BBOX1: variants seen among roughly 807,000 people sequenced by gnomAD.
BBOX1 encodes gamma-butyrobetaine hydroxylase 1.
BBOX1 carries 35 observed loss-of-function variants against 41.6 expected under a neutral mutation model. The ratio of observed to expected loss-of-function variants is 0.84; its 90% CI spans 0.64 to 1.11. The LOEUF is 1.11. Among genes scored for constraint, BBOX1 ranks in the 50% most tolerant of loss-of-function variants. BBOX1 has a pLI of 0.00. For missense variants in BBOX1, 458 were observed against 460.6 expected (o/e 0.99, Z 0.05); for synonymous variants, 163 against 154.7 (o/e 1.05, Z -0.40).
chr11:27,067,928 G>A (rs1857339585), intron 4 of BBOX1, among the ~76,000 whole-genome samples: 1 of 152,034 alleles, frequency 6.6e-6, no homozygotes, highest in South Asian at 2.1e-4. Context: ...TTTTATGGTT[G>A]AGTAGTATTC....
chr11:27,127,503 G>A lies in BBOX1; in HGVS notation c.*50G>A. 2 of 1,545,438 alleles carry A rather than the reference G, an allele frequency of 1.3e-6. No homozygotes were observed. The highest frequency in any genetic ancestry group is 2.8e-5 in the African/African-American group (2 of 72,000). On this transcript the variant is annotated 3_prime_UTR_variant, in exon 9 of 9. Coordinates refer to ENST00000263182, the MANE Select transcript of BBOX1 (RefSeq NM_003986.3). ...AGATTCCAATGACCATATTTTGTGA[G>A]ATATGGCACATTATTCACAGACCAT...
intron 4 of BBOX1, among the ~76,000 whole-genome samples, chr11:27,082,139 A>G (rs1425271823): frequency 6.6e-6 from 1 of 151,966 alleles, no homozygotes; most frequent in South Asian, 2.1e-4. Context: ...TGAGAAATTC[A>G]CCCCCATGAT....
intron 4 of BBOX1, among the ~76,000 whole-genome samples, chr11:27,079,486 T>G (rs950926045): frequency 2.6e-5 from 4 of 151,994 alleles, no homozygotes; most frequent in African/African-American, 9.7e-5. Flanking sequence ...AAACTGAAAA[T>G]TGGTACAATC....
intron 5 of BBOX1, among the ~76,000 whole-genome samples, chr11:27,103,325 G>A (rs1858734653): frequency 6.6e-6 from 1 of 152,068 alleles, no homozygotes; most frequent in African/African-American, 2.4e-5. Flanking sequence ...TTGTTTTAGG[G>A]AACAGCTTTA....
chr11:27,053,544 T>TAAA (rs1856879317), intron 2 of BBOX1, among the ~76,000 whole-genome samples: 1 of 152,230 alleles, frequency 6.6e-6, no homozygotes, highest in African/African-American at 2.4e-5. Context: ...TGACACCGGT[T>TAAA]AAAATGTACT....
chr11:27,102,150 T>C (rs183120073), intron 5 of BBOX1, among the ~76,000 whole-genome samples: 7 of 152,126 alleles, frequency 4.6e-5, no homozygotes, highest in Admixed American at 4.6e-4. Context: ...AAAAAAAGGA[T>C]ATTGAACAGC....
chr11:27,046,289 G>T (rs1158093484), intron 2 of BBOX1: 2 of 151,104 alleles, frequency 1.3e-5, no homozygotes, highest in Non-Finnish European at 3.0e-5. Flanking sequence ...TTAAGAAAAA[G>T]AAAAAAAAGG....
Position 27,060,571 on chromosome 11 carries a change from T to G in BBOX1, c.334+3256T>G, listed in dbSNP as rs1857106403. On this transcript the variant is annotated intron_variant, in intron 4 of 8. Coordinates refer to ENST00000263182, the MANE Select transcript of BBOX1 (RefSeq NM_003986.3). ...AGAGAGAGATTTTACCTTAACTCCT[T>G]TCAAATCTGAAATTCTTAAACATGT... 2.0e-5 allele frequency among the ~76,000 whole-genome samples: 3 copies of G among 152,344 alleles called. No individual in the cohort carries two copies. In the South Asian group the frequency reaches 6.2e-4, roughly 32 times the overall value.
In BBOX1 at chr11:27,055,613, C is replaced by T; in HGVS notation, c.183C>T (p.Asn61=). ...TTCTAGTGGAAGCTCTTGATGTGAA[C>T]ATTGGAATTAAAGGCTTGATATTTG... ...RKLLVEALDV[N]IGIKGLIFDR... is the part of the protein sequence containing the mutation. Residue 61 remains asparagine (N), a synonymous_variant, in exon 3 of 9, where the codon AAC becomes AAT. Coordinates refer to ENST00000263182, the MANE Select transcript of BBOX1 (RefSeq NM_003986.3). The T allele has an allele frequency of 6.2e-7, 1 of 1,614,026 alleles. No individual in the cohort carries two copies. Among genetic ancestry groups the T allele is most frequent in the Non-Finnish European group, 8.5e-7 (1 of 1,179,926 alleles).
chr11:27,078,885 G>A (rs11029827), intron 4 of BBOX1, among the ~76,000 whole-genome samples: 34,980 of 151,968 alleles, frequency 0.23, 4,740 homozygotes, highest in African/African-American at 0.36. Context: ...TAAAAGAGGC[G>A]ATGCCTATTA....
At chr11:27,126,405 CA>C (rs1859652973) in intron 8 of BBOX1, among the ~76,000 whole-genome samples, 1 of 152,084 alleles carries the variant, frequency 6.6e-6, no homozygotes, top group Admixed American at 6.5e-5. Flanking sequence ...AAAATGAAAA[CA>C]TTATAGGGGG....
chr11:27,100,053 G>A (rs1049308194), intron 5 of BBOX1, among the ~76,000 whole-genome samples: 2 of 152,060 alleles, frequency 1.3e-5, no homozygotes, highest in African/African-American at 2.4e-5. Flanking sequence ...GTATCCACTA[G>A]ACTCCTGTTT....
intron 2 of BBOX1, among the ~76,000 whole-genome samples, chr11:27,044,815 C>T (rs1851444540): frequency 6.6e-6 from 1 of 152,130 alleles, no homozygotes; most frequent in Admixed American, 6.5e-5. Flanking sequence ...CAGTACCATG[C>T]TGTTTTGGTT....
chr11:27,065,340 T>C (rs1007974573), intron 4 of BBOX1, among the ~76,000 whole-genome samples: 4 of 152,258 alleles, frequency 2.6e-5, no homozygotes, highest in African/African-American at 9.6e-5. Flanking sequence ...ATTTTTCCTC[T>C]GTGCCATATT....
intron 4 of BBOX1, among the ~76,000 whole-genome samples, chr11:27,071,128 A>C (rs957778858): frequency 6.6e-6 from 1 of 152,084 alleles, no homozygotes; most frequent in Admixed American, 6.6e-5. Context: ...TAATCCCAGC[A>C]CTTTAGGAGG....
At chr11:27,119,140 T>G (rs1436601391) in intron 6 of BBOX1, among the ~76,000 whole-genome samples, 1 of 152,076 alleles carries the variant, frequency 6.6e-6, no homozygotes, top group African/African-American at 2.4e-5. Flanking sequence ...GGCCCTCTGC[T>G]GTAGCCAGAC....
intron 4 of BBOX1, among the ~76,000 whole-genome samples, chr11:27,083,149 C>CA (rs1334885244): frequency 5.3e-5 from 8 of 152,086 alleles, no homozygotes; most frequent in Non-Finnish European, 5.9e-5. Context: ...AAAGTGCACT[C>CA]AGACACAATC....
chr11:27,071,411 A>G (rs922171007), intron 4 of BBOX1, among the ~76,000 whole-genome samples: 4 of 150,952 alleles, frequency 2.6e-5, no homozygotes, highest in Non-Finnish European at 1.5e-5. Context: ...TAAAGATAGG[A>G]TCCCAATCCC....
intron 5 of BBOX1, among the ~76,000 whole-genome samples, chr11:27,109,012 C>A (rs1016818746): frequency 6.6e-6 from 1 of 152,052 alleles, no homozygotes; most frequent in African/African-American, 2.4e-5. Context: ...AGAATTGGCA[C>A]TGGTTTCGTT....
Sources: allele counts gnomAD v4.1 joint callset (sites outside exome capture counted in the v4.1 genomes callset), GRCh38; gene constraint gnomAD v4.1.1; transcripts MANE v1.5; gene names NCBI Gene and HGNC (gene_info 2026-07-23, HGNC 2026-07-21).